DNM3: variants seen among roughly 807,000 people sequenced by gnomAD.
The protein encoded by DNM3 is dynamin 3, also known as dynamin-3.
DNM3 carries 47 observed loss-of-function variants against 101.6 expected under a neutral mutation model. The ratio of observed to expected loss-of-function variants is 0.46; its 90% CI spans 0.37 to 0.59. DNM3 has a LOEUF of 0.59. DNM3 is among the 20% of genes least tolerant of loss of function. DNM3 has a pLI of 0.00. For missense variants in DNM3, 849 were observed against 1,085.7 expected (o/e 0.78, Z 3.06); for synonymous variants, 385 against 387.9 (o/e 0.99, Z 0.09).
At chr1:172,029,789 A>G (rs1267120830) in intron 4 of DNM3, among the ~76,000 whole-genome samples, 3 of 152,144 alleles carry the variant, frequency 2.0e-5, no homozygotes, top group Non-Finnish European at 2.9e-5. Context: ...CAAATCATGC[A>G]TGAACTCCCA....
rs867515033 is a variant in DNM3, at chr1:172,168,769, G to A, written c.1659+37481G>A. 3.3e-5 allele frequency among the ~76,000 whole-genome samples: 5 copies of A among 151,850 alleles called. 1 individual carries two copies. The highest frequency in any genetic ancestry group is 6.3e-3 in the Middle Eastern group (2 of 316). ...TCCACATGAGACAGGCCCCTCACACGGTCTTATTGCCTATAGAGTCCTGCT... is the reference window on the plus strand; with the variant it reads ...TCCACATGAGACAGGCCCCTCACACAGTCTTATTGCCTATAGAGTCCTGCT... On this transcript the variant is annotated intron_variant, in intron 14 of 20. Coordinates refer to ENST00000627582, the MANE Select transcript of DNM3 (RefSeq NM_015569.5).
intron 2 of DNM3, among the ~76,000 whole-genome samples, chr1:171,983,716 C>A (rs951546185): frequency 6.6e-6 from 1 of 152,122 alleles, no homozygotes; most frequent in African/African-American, 2.4e-5. Flanking sequence ...ATATATCTAG[C>A]CGTGAAGATA....
At position 171,859,609 on chromosome 1, in the gene DNM3, C is replaced by G. The variant is rs12728836; in HGVS notation, c.161+17792C>G. Among the ~76,000 whole-genome samples the G allele has an allele frequency of 2.0e-3, 305 of 152,192 alleles. 1 individual carries two copies. The highest frequency in any genetic ancestry group is 6.2e-3 in the Admixed American group (95 of 15,278). ...TGTGTGCCAGGCACTGTCTTAAGCA[C>G]CAGAAAGACAGTAATAAGTGAAAAA... On this transcript the variant is annotated intron_variant, in intron 1 of 20. Transcript: ENST00000627582.
At chr1:171,895,748 C>T (rs968410207) in intron 1 of DNM3, among the ~76,000 whole-genome samples, 1 of 152,018 alleles carries the variant, frequency 6.6e-6, no homozygotes. Flanking sequence ...CCTAGGTTTT[C>T]TTCTAGGGTT....
chr1:172,163,691 T>A (rs2058636407), intron 14 of DNM3, among the ~76,000 whole-genome samples: 1 of 152,100 alleles, frequency 6.6e-6, no homozygotes, highest in African/African-American at 2.4e-5. Flanking sequence ...TCTTTTTCTA[T>A]GAGTTCAACT....
chr1:172,323,600 A>G (rs1225635467), intron 17 of DNM3, among the ~76,000 whole-genome samples: 3 of 152,238 alleles, frequency 2.0e-5, no homozygotes, highest in African/African-American at 7.2e-5. Context: ...TTATAAGGAA[A>G]GAGCTCCCAC....
intron 15 of DNM3, among the ~76,000 whole-genome samples, chr1:172,263,860 G>A (rs754891241): frequency 2.6e-5 from 4 of 152,162 alleles, no homozygotes; most frequent in Non-Finnish European, 4.4e-5. Flanking sequence ...GCAATCACTA[G>A]TGTGAGTGTC....
intron 2 of DNM3, among the ~76,000 whole-genome samples, chr1:171,970,553 G>T (rs2043917458): frequency 1.3e-5 from 2 of 151,984 alleles, no homozygotes; most frequent in Admixed American, 1.3e-4. Context: ...GTGATAGATA[G>T]AAATATTTTT....
chr1:172,035,915 A>G (rs1291611812), intron 6 of DNM3, among the ~76,000 whole-genome samples: 1 of 152,028 alleles, frequency 6.6e-6, no homozygotes, highest in Non-Finnish European at 1.5e-5. Flanking sequence ...TATTCAGCTA[A>G]CCTCAGATAA....
chr1:172,401,363 A>G (rs1435039932), intron 20 of DNM3, among the ~76,000 whole-genome samples: 1 of 152,214 alleles, frequency 6.6e-6, no homozygotes, highest in Non-Finnish European at 1.5e-5. Context: ...ATTAGGCACC[A>G]TGCCTATGGG....
chr1:172,412,017 C>CA lies in DNM3; in HGVS notation c.*4177dup, dbSNP rs2071237267. 1.0e-6 allele frequency: 1 copy of CA among 985,130 alleles called. No homozygotes were observed. Among genetic ancestry groups the CA allele is most frequent in the African/African-American group, 1.8e-5 (1 of 57,104 alleles). 61.0% of individuals were successfully genotyped at this position (985,130 alleles called of 1,614,324 possible). On this transcript the variant is annotated 3_prime_UTR_variant, in exon 21 of 21. Transcript: ENST00000627582. The stretch of plus-strand genomic sequence containing the variant: ...TGAAACTTTAAGAATATTTTTGAAG[C>CA]ATATGTAATATATGCACTGCTATTT...
intron 4 of DNM3, among the ~76,000 whole-genome samples, chr1:171,995,064 C>T (rs1208141535): frequency 6.0e-5 from 9 of 149,548 alleles, no homozygotes; most frequent in Admixed American, 5.3e-4. Flanking sequence ...AGTTCAAACA[C>T]CATACGGCTT....
chr1:172,409,640 A>G lies in DNM3; in HGVS notation c.*1799A>G, dbSNP rs371496459. ...TGAATGGAACCAATGTGCAAGATAC[A>G]TACTGCATTTTTAAAATAGTGTCTC... On this transcript the variant is annotated 3_prime_UTR_variant, in exon 21 of 21. Coordinates refer to ENST00000627582, the MANE Select transcript of DNM3 (RefSeq NM_015569.5). The G allele has an allele frequency of 8.4e-5, 83 of 985,788 alleles. No homozygotes were observed. The Middle Eastern group carries it at 2.1e-3, about 25-fold the overall frequency. 61.1% of individuals were successfully genotyped at this position (985,788 alleles called of 1,614,324 possible).
intron 10 of DNM3, among the ~76,000 whole-genome samples, chr1:172,061,512 G>T (rs890605042): frequency 1.3e-5 from 2 of 151,442 alleles, no homozygotes; most frequent in Non-Finnish European, 2.9e-5. Flanking sequence ...GGAATACTAT[G>T]CAGCCATAAA....
chr1:172,242,535 T>C (rs938354399), intron 14 of DNM3, among the ~76,000 whole-genome samples: 6 of 152,172 alleles, frequency 3.9e-5, no homozygotes, highest in African/African-American at 1.2e-4. Context: ...CTCTGCCTCC[T>C]GGGCTCAAGT....
At chr1:172,405,400 A>G (rs1483064895) in intron 20 of DNM3, among the ~76,000 whole-genome samples, 1 of 151,950 alleles carries the variant, frequency 6.6e-6, no homozygotes, top group African/African-American at 2.4e-5. Context: ...GTCATAGGGG[A>G]AGGCAGAGGA....
chr1:172,387,074 C>A (rs968762691), intron 18 of DNM3, 59 bp from the exon 19 acceptor site: 19 of 1,422,734 alleles, frequency 1.3e-5, no homozygotes, highest in Non-Finnish European at 1.8e-5. Context: ...AGCCATGTTT[C>A]TACCTCCACT....
At chr1:172,362,779 C>G (rs570325570) in intron 17 of DNM3, among the ~76,000 whole-genome samples, 9 of 151,486 alleles carry the variant, frequency 5.9e-5, no homozygotes, top group Middle Eastern at 3.4e-3. Flanking sequence ...CCCTTTAATC[C>G]TATCCACAAA....
At chr1:172,235,228 C>T (rs747315295) in intron 14 of DNM3, among the ~76,000 whole-genome samples, 7 of 152,124 alleles carry the variant, frequency 4.6e-5, no homozygotes, top group African/African-American at 7.2e-5. Flanking sequence ...TTTATGCAGC[C>T]GAAAGACACG....
Sources: gnomAD v4.1 joint callset for allele counts (sites outside exome capture counted in the v4.1 genomes callset) on GRCh38, gnomAD v4.1.1 for gene constraint, MANE v1.5 for transcripts, NCBI Gene and HGNC (gene_info 2026-07-23, HGNC 2026-07-21) for gene names.